RBM47: variants seen among roughly 807,000 people sequenced by gnomAD.
RBM47 encodes the protein RNA-binding protein 47.
A neutral mutation model predicts 47.1 loss-of-function variants in RBM47; 21 were observed. The ratio of observed to expected loss-of-function variants is 0.45; its 90% CI spans 0.32 to 0.64. The LOEUF (loss-of-function observed/expected upper bound fraction) is 0.64, where lower values mean the gene tolerates loss of function less well. RBM47 is among the 30% of genes least tolerant of loss of function. RBM47 has a pLI of 0.05. For synonymous variants in RBM47, 375 were observed against 361.7 expected (o/e 1.04, Z -0.42); for missense variants, 708 against 870.9 (o/e 0.81, Z 2.35).
Position 40,605,003 on chromosome 4 carries a change from C to T in RBM47, c.-240+24393G>A, listed in dbSNP as rs564115447. Reference sequence around the variant, plus strand: ...GTGCTGGGATTACAGACTTGAGCCACCGCACCTGGTCTTTTGTTGTTGTTG... The same window carrying T: ...GTGCTGGGATTACAGACTTGAGCCATCGCACCTGGTCTTTTGTTGTTGTTG... On this transcript the variant is annotated intron_variant, in intron 1 of 6. Coordinates refer to ENST00000295971, the MANE Select transcript of RBM47 (RefSeq NM_001098634.2). 1.5e-3 allele frequency among the ~76,000 whole-genome samples: 232 copies of T among 151,796 alleles called. 1 individual carries two copies. Among genetic ancestry groups the T allele is most frequent in the Non-Finnish European group, 2.6e-3 (179 of 67,872 alleles).
rs879754995 is a variant in RBM47 at position 40,613,805 on chromosome 4, T to TA, written c.-240+15590dup. ...ATCCCATGTCTTAAAAAATAAAACT[T>TA]AAAAAAAAAAAAAAGGACAGTAGTG... is the stretch of plus-strand genomic sequence containing the variant. On this transcript the variant is annotated intron_variant, in intron 1 of 6. Transcript: ENST00000295971. Among the ~76,000 whole-genome samples, 289 of 135,156 alleles carry TA rather than the reference T, an allele frequency of 2.1e-3. 1 individual carries two copies. The highest frequency in any genetic ancestry group is 7.7e-3 in the Middle Eastern group (2 of 260). The allele number at this position is 135,156 out of a possible 152,430, so 88.7% of individuals were successfully genotyped here.
Position 40,623,572 on chromosome 4 carries a change from G to A in RBM47, c.-240+5824C>T, listed in dbSNP as rs546693534. The stretch of plus-strand genomic sequence containing the variant: ...TGGAGTGCAGTGGCTAGTCACAGGC[G>A]CAATCATAACGTACTAAAGCCTTGA... On this transcript the variant is annotated intron_variant, in intron 1 of 6. Coordinates refer to ENST00000295971, the MANE Select transcript of RBM47 (RefSeq NM_001098634.2). 3.0e-4 allele frequency among the ~76,000 whole-genome samples: 45 copies of A among 151,734 alleles called. No individual in the cohort carries two copies. The South Asian group carries it at 9.2e-3, about 31-fold the overall frequency.
At chr4:40,534,724 G>T (rs1324245263) in intron 2 of RBM47, among the ~76,000 whole-genome samples, 4 of 152,082 alleles carry the variant, frequency 2.6e-5, no homozygotes, top group Non-Finnish European at 5.9e-5. Flanking sequence ...CACGAGGTCA[G>T]CAGATAAAGA....
chr4:40,500,315 C>A (rs1411455728), intron 2 of RBM47, among the ~76,000 whole-genome samples: 2 of 150,520 alleles, frequency 1.3e-5, no homozygotes, highest in Non-Finnish European at 1.5e-5. Flanking sequence ...CTTCGTCCCC[C>A]CCCAAAAAAA....
At position 40,425,924 on chromosome 4, in the gene RBM47, C is replaced by T. The variant is rs769388482; in HGVS notation, c.1762G>A (p.Asp588Asn). ...PAAAIQVPIP[D>N]VYQTY ...CAGCCTCAGTATGTCTGGTAGACGT[C>T]GGGGATGGGGACCTGAATGGCAGCA... Residue 588 changes from aspartate (D) to asparagine (N), a missense_variant, in exon 7 of 7, where the codon GAC becomes AAC. By Grantham distance (23) the Asp-to-Asn change is conservative. Transcript: ENST00000295971. 4.4e-5 allele frequency: 71 copies of T among 1,614,008 alleles called. No homozygotes were observed. In the Admixed American group the frequency reaches 6.0e-4, roughly 14 times the overall value.
chr4:40,477,727 A>G (rs1396822602), intron 2 of RBM47, among the ~76,000 whole-genome samples: 1 of 152,118 alleles, frequency 6.6e-6, no homozygotes, highest in African/African-American at 2.4e-5. Context: ...GGAGAGAGCA[A>G]TTTTTCACTG....
At chr4:40,537,032 A>G (rs1225992954) in intron 2 of RBM47, among the ~76,000 whole-genome samples, 1 of 151,976 alleles carries the variant, frequency 6.6e-6, no homozygotes. Context: ...ATAGCAAGAC[A>G]TCAAAGAGCA....
chr4:40,462,398 AAC>A (rs1234168920), intron 3 of RBM47, among the ~76,000 whole-genome samples: 2 of 152,192 alleles, frequency 1.3e-5, no homozygotes, highest in African/African-American at 2.4e-5. Context: ...AATTCCCAAC[AAC>A]AGAGTGTCCT....
At chr4:40,540,024 A>C (rs928771550) in intron 2 of RBM47, among the ~76,000 whole-genome samples, 1 of 152,150 alleles carries the variant, frequency 6.6e-6, no homozygotes, top group African/African-American at 2.4e-5. Flanking sequence ...TATGATTAGT[A>C]GGAAAGGGTA....
chr4:40,490,393 A>G lies in RBM47; in HGVS notation c.-154-23694T>C, dbSNP rs138882326. Among the ~76,000 whole-genome samples, 797 of 152,338 alleles carry G rather than the reference A, an allele frequency of 5.2e-3. 35 individuals carry two copies. Among genetic ancestry groups the G allele is most frequent in the Admixed American group, 0.044 (677 of 15,308 alleles). On this transcript the variant is annotated intron_variant, in intron 2 of 6. Transcript: ENST00000295971. ...CAATTACATGTAAAAAACCTAAGGA[A>G]TCCATTAAAAAATTATTAGAACTAA...
In RBM47 at chr4:40,612,001, T is replaced by A. The variant is rs901918896; in HGVS notation, c.-240+17395A>T. 1.3e-4 allele frequency among the ~76,000 whole-genome samples: 20 copies of A among 152,164 alleles called. No individual in the cohort carries two copies. The East Asian group carries it at 1.5e-3, about 12-fold the overall frequency. On this transcript the variant is annotated intron_variant, in intron 1 of 6. Transcript: ENST00000295971. ...CCTCTTCAGAACAGAAGGATTAAGA[T>A]GGAAATGGAATAGAATTCAAATGTT...
chr4:40,470,174 C>T (rs1252116853), intron 2 of RBM47, among the ~76,000 whole-genome samples: 2 of 152,090 alleles, frequency 1.3e-5, no homozygotes, highest in South Asian at 2.1e-4. Context: ...TCTGGAGAAA[C>T]GGGGTGGTTT....
chr4:40,437,489 GCCCCTAA>G (rs887011256), intron 4 of RBM47, among the ~76,000 whole-genome samples: 1 of 152,132 alleles, frequency 6.6e-6, no homozygotes, highest in Non-Finnish European at 1.5e-5. Flanking sequence ...TGGTGGACTA[GCCCCTAA>G]CCCGGTGGAC....
rs201549023 is a variant in RBM47 at position 40,432,685 on chromosome 4, A to G, written c.1508T>C (p.Val503Ala). 11 of 1,610,696 alleles carry G rather than the reference A, an allele frequency of 6.8e-6. No homozygotes were observed. In the East Asian group the frequency reaches 2.5e-4, roughly 36 times the overall value. The change falls in exon 6 of 7, where the codon GTC (valine) becomes GCC (alanine). Residue 503 changes from valine (V) to alanine (A), a missense_variant. Physicochemically the swap from Val to Ala is moderately conservative, Grantham distance 64 (BLOSUM62 0). Transcript: ENST00000295971. ...AAAAAAAAAA[V>A]IPTVSTPPPF... ...TGGTGGCGTCGACACAGTGGGAATG[A>G]CAGCGGCTGCGGCGGCTGCGGCCGC...
At chr4:40,446,901 GTGAGTTC>G (rs201835331) in intron 3 of RBM47, among the ~76,000 whole-genome samples, 113 of 152,282 alleles carry the variant, frequency 7.4e-4, no homozygotes, top group African/African-American at 2.5e-3. Flanking sequence ...AGCCTAGCCT[GTGAGTTC>G]TGGTGGAGAC....
intron 1 of RBM47, among the ~76,000 whole-genome samples, chr4:40,568,798 T>C (rs1049692529): frequency 2.6e-5 from 4 of 151,802 alleles, no homozygotes; most frequent in African/African-American, 9.7e-5. Context: ...CTAACTAACA[T>C]GGTGAAACCC....
At chr4:40,546,155 C>CT (rs918529964) in intron 1 of RBM47, among the ~76,000 whole-genome samples, 41 of 148,122 alleles carry the variant, frequency 2.8e-4, no homozygotes, top group African/African-American at 4.2e-4. Context: ...TAAGTAAATA[C>CT]TTTTTTTTTT....
At chr4:40,445,099 C>T (rs941315236) in intron 3 of RBM47, among the ~76,000 whole-genome samples, 1 of 151,650 alleles carries the variant, frequency 6.6e-6, no homozygotes, top group African/African-American at 2.4e-5. Flanking sequence ...ACGGTGAAAC[C>T]CCATCTCTAC....
intron 6 of RBM47, among the ~76,000 whole-genome samples, chr4:40,429,611 C>T (rs1715582226): frequency 6.7e-6 from 1 of 148,270 alleles, no homozygotes; most frequent in South Asian, 2.1e-4. Context: ...ATCGCTTGAA[C>T]CCTGGAAGCG....
Sources: gnomAD v4.1 joint callset for allele counts (sites outside exome capture counted in the v4.1 genomes callset) on GRCh38, gnomAD v4.1.1 for gene constraint, MANE v1.5 for transcripts, NCBI Gene and HGNC (gene_info 2026-07-23, HGNC 2026-07-21) for gene names.